The following PLCB4 variants were observed in gnomAD, a reference collection of about 807,000 sequenced individuals.
PLCB4 encodes phospholipase C beta 4, also known as 1-phosphatidylinositol 4,5-bisphosphate phosphodiesterase beta-4.
A neutral mutation model predicts 178.8 loss-of-function variants in PLCB4; 77 were observed. That is an observed-to-expected ratio of 0.43 (90% CI 0.36 to 0.52). The LOEUF (loss-of-function observed/expected upper bound fraction) is 0.52, where lower values mean the gene tolerates loss of function less well. Ranked by LOEUF, PLCB4 falls within the 20% of genes least tolerant of loss-of-function variation. PLCB4 has a pLI of 0.00. For synonymous variants in PLCB4, 496 were observed against 490.8 expected, an observed-to-expected ratio of 1.01 and a Z score of -0.14; for missense variants, 1,024 against 1,453.4, an observed-to-expected ratio of 0.70 and a Z score of 4.80.
At chr20:9,260,123 G>A (rs2094282283) in intron 3 of PLCB4, among the ~76,000 whole-genome samples, 1 of 152,056 alleles carries the variant, frequency 6.6e-6, no homozygotes, top group East Asian at 1.9e-4. Context: ...TATTTTATAT[G>A]TTTTAGAAAA....
intron 35 of PLCB4, among the ~76,000 whole-genome samples, chr20:9,462,632 A>G (rs1453873099): frequency 1.3e-5 from 2 of 152,220 alleles, no homozygotes; most frequent in African/African-American, 4.8e-5. Flanking sequence ...ACAAGCTTCA[A>G]TAGCTGATTC....
intron 4 of PLCB4, among the ~76,000 whole-genome samples, chr20:9,324,153 T>G: frequency 1.4e-5 from 2 of 146,184 alleles, no homozygotes; most frequent in East Asian, 2.0e-4. Flanking sequence ...CCAGCCTAGG[T>G]GATAGAGTGA....
intron 2 of PLCB4, among the ~76,000 whole-genome samples, chr20:9,100,162 G>C (rs2091086235): frequency 6.6e-6 from 1 of 152,124 alleles, no homozygotes; most frequent in African/African-American, 2.4e-5. Flanking sequence ...CATCACTGGT[G>C]CGGGCAGGAG....
intron 7 of PLCB4, among the ~76,000 whole-genome samples, chr20:9,355,246 G>T (rs932799421): frequency 3.3e-5 from 5 of 151,886 alleles, no homozygotes; most frequent in Non-Finnish European, 7.4e-5. Context: ...CAAATGAAAT[G>T]ATTTCATTTG....
At chr20:9,103,594 A>T (rs1195239877) in intron 2 of PLCB4, among the ~76,000 whole-genome samples, 51 of 152,180 alleles carry the variant, frequency 3.4e-4, no homozygotes, top group Non-Finnish European at 2.9e-5. Context: ...ATAATTTCTT[A>T]GTATCATTAT....
chr20:9,145,092 C>T (rs1359853436), intron 2 of PLCB4, among the ~76,000 whole-genome samples: 2 of 152,064 alleles, frequency 1.3e-5, no homozygotes, highest in Non-Finnish European at 2.9e-5. Flanking sequence ...TTAAAGAGGA[C>T]AACTGGGGTA....
At chr20:9,286,171 C>T (rs974965683) in intron 3 of PLCB4, among the ~76,000 whole-genome samples, 3 of 151,880 alleles carry the variant, frequency 2.0e-5, no homozygotes, top group Non-Finnish European at 2.9e-5. Flanking sequence ...TTGAAATTAG[C>T]CTGGAGTTTA....
intron 4 of PLCB4, among the ~76,000 whole-genome samples, chr20:9,321,617 G>A (rs2094959018): frequency 1.3e-5 from 2 of 151,938 alleles, no homozygotes; most frequent in Admixed American, 6.6e-5. Context: ...GTTTACCAGG[G>A]CTTTTTTAGG....
At chr20:9,176,947 A>G (rs566941495) in intron 2 of PLCB4, among the ~76,000 whole-genome samples, 16 of 152,176 alleles carry the variant, frequency 1.1e-4, no homozygotes, top group Non-Finnish European at 2.2e-4. Context: ...CTTCTGGGAT[A>G]AGCAGTGGGC....
intron 3 of PLCB4, among the ~76,000 whole-genome samples, chr20:9,307,286 G>C (rs2094779482): frequency 6.6e-6 from 1 of 152,112 alleles, no homozygotes. Context: ...GAGCCTAAGA[G>C]AGGGCTAAAG....
chr20:9,193,688 T>C (rs1183283292), intron 2 of PLCB4, among the ~76,000 whole-genome samples: 2 of 152,184 alleles, frequency 1.3e-5, no homozygotes, highest in Non-Finnish European at 1.5e-5. Context: ...ATTTCAAAAA[T>C]GGGAGTCATG....
intron 2 of PLCB4, among the ~76,000 whole-genome samples, chr20:9,199,747 C>T (rs1376722505): frequency 6.6e-6 from 1 of 152,106 alleles, no homozygotes; most frequent in Non-Finnish European, 1.5e-5. Context: ...ATTCTAAATG[C>T]CAGGTCTCCC....
chr20:9,370,998 A>G (rs1023680365), intron 9 of PLCB4: 17 of 470,628 alleles, frequency 3.6e-5, no homozygotes, highest in Non-Finnish European at 6.1e-5. Context: ...CTGGTCTTAG[A>G]TTCAAGTTGC....
At chr20:9,277,810 G>A (rs375402550) in intron 3 of PLCB4, among the ~76,000 whole-genome samples, 112 of 152,088 alleles carry the variant, frequency 7.4e-4, no homozygotes, top group African/African-American at 2.5e-3. Context: ...GAAGCCCACA[G>A]CTCAAGGGGC....
At chr20:9,103,713 T>C (rs1297773388) in intron 2 of PLCB4, among the ~76,000 whole-genome samples, 2 of 152,204 alleles carry the variant, frequency 1.3e-5, no homozygotes. Flanking sequence ...ATTTCCAGTT[T>C]TGCCACATTT....
chr20:9,164,798 C>G (rs1337137676), intron 2 of PLCB4, among the ~76,000 whole-genome samples: 1 of 152,024 alleles, frequency 6.6e-6, no homozygotes, highest in Non-Finnish European at 1.5e-5. Flanking sequence ...TAAATAAGAG[C>G]AATAGACTGT....
At chr20:9,091,910 G>A (rs1289325778) in intron 1 of PLCB4, among the ~76,000 whole-genome samples, 5 of 151,872 alleles carry the variant, frequency 3.3e-5, no homozygotes, top group Non-Finnish European at 7.4e-5. Context: ...CATTCATTCA[G>A]CATTTGTCAA....
At chr20:9,297,327 A>G (rs1216164257) in intron 3 of PLCB4, among the ~76,000 whole-genome samples, 1 of 152,134 alleles carries the variant, frequency 6.6e-6, no homozygotes, top group East Asian at 1.9e-4. Flanking sequence ...ATGAAGATGC[A>G]AAGGGATAGG....
At chr20:9,226,241 G>C (rs2093863279) in intron 3 of PLCB4, among the ~76,000 whole-genome samples, 1 of 152,136 alleles carries the variant, frequency 6.6e-6, no homozygotes, top group South Asian at 2.1e-4. Flanking sequence ...AAAATAAGCT[G>C]TAAGAAACTG....
Sources: gnomAD v4.1 joint callset for allele counts (sites outside exome capture counted in the v4.1 genomes callset) on GRCh38, gnomAD v4.1.1 for gene constraint, MANE v1.5 for transcripts, NCBI Gene and HGNC (gene_info 2026-07-23, HGNC 2026-07-21) for gene names.